Variants in CSF2RA observed in about 807,000 individuals in gnomAD.
CSF2RA encodes the protein granulocyte-macrophage colony-stimulating factor receptor subunit alpha.
A neutral mutation model predicts 51.6 loss-of-function variants in CSF2RA; 42 were observed. That is an observed-to-expected ratio of 0.81 (90% confidence interval 0.64 to 1.05). The LOEUF is 1.05. Among genes scored for constraint, CSF2RA ranks in the 50% least tolerant of loss-of-function variants. The probability of loss-of-function intolerance (pLI) is 0.00; values close to 1 mark genes in which losing one functional copy is unlikely to be tolerated. For synonymous variants in CSF2RA, 222 were observed against 193.0 expected (o/e 1.15, Z -1.24); for missense variants, 530 against 501.1 (o/e 1.06, Z -0.55).
downstream of CSF2RA, among the ~76,000 whole-genome samples, chrX:1,314,010 AATAAAATTAAAT>A (rs1218513145): frequency 1.3e-5 from 2 of 151,634 alleles, no homozygotes; most frequent in Non-Finnish European, 2.9e-5. Flanking sequence ...GAATAAATAA[AATAAAATTAAAT>A]TAAAATAAAA....
At chrX:1,311,215 C>T (rs1317470345), downstream of CSF2RA, among the ~76,000 whole-genome samples, 6 of 150,758 alleles carry the variant, frequency 4.0e-5, no homozygotes, top group African/African-American at 9.8e-5. Flanking sequence ...CGCCATTGCA[C>T]TCCAGCCTGG....
rs377752882 is a variant in CSF2RA at position 1,304,348 on chromosome X, C to T, written c.1043+329C>T. ...CCGGGAGGTGGAGGTTGCAGTGAGC[C>T]GAGATTGCACCACTGCACTCCAGCC... On this transcript the variant is annotated intron_variant, in intron 11 of 12. Transcript: ENST00000381529. Among the ~76,000 whole-genome samples, 454 of 109,080 alleles carry T rather than the reference C, an allele frequency of 4.2e-3. 17 individuals are homozygous for T. Among genetic ancestry groups the T allele is most frequent in the Non-Finnish European group, 3.8e-3 (212 of 55,652 alleles). 71.6% of individuals were successfully genotyped at this position (109,080 alleles called of 152,430 possible). A position where few individuals can be genotyped will look rare whatever the true frequency, so the allele number is the denominator to read the frequency against.
At chrX:1,289,222 G>A (rs1329684259) in intron 6 of CSF2RA, 2 of 362,816 alleles carry the variant, frequency 5.5e-6, no homozygotes, top group African/African-American at 2.1e-5. Flanking sequence ...CTCCCTCCAG[G>A]GTTCAAGTGA....
At chrX:1,313,906 G>A (rs1294949909), downstream of CSF2RA, among the ~76,000 whole-genome samples, 13 of 151,732 alleles carry the variant, frequency 8.6e-5, no homozygotes, top group African/African-American at 2.9e-4. Flanking sequence ...CAGGAGAACC[G>A]CTTGAACCTG....
downstream of CSF2RA, among the ~76,000 whole-genome samples, chrX:1,315,022 A>ACACTGCACCTGCCCAACCG (rs1170258078): frequency 4.8e-5 from 5 of 103,540 alleles, 1 homozygote; most frequent in African/African-American, 1.6e-4. Flanking sequence ...CTGCCCAACC[A>ACACTGCACCTGCCCAACCG]CACTGCACCA....
chrX:1,284,431 AT>A (rs1298855394), intron 3 of CSF2RA, among the ~76,000 whole-genome samples: 4,213 of 29,184 alleles, frequency 0.14, 286 homozygotes, highest in South Asian at 0.28. Flanking sequence ...CTAGTTTTTG[AT>A]TTTTTTTTTT....
chrX:1,277,495 C>T (rs1462546277), intron 2 of CSF2RA, among the ~76,000 whole-genome samples: 1 of 139,530 alleles, frequency 7.2e-6, no homozygotes, highest in East Asian at 2.2e-4. Context: ...ACTCGGGAGA[C>T]AGAGGCAAGA....
intron 1 of CSF2RA, among the ~76,000 whole-genome samples, chrX:1,269,901 A>T (rs2088145027): frequency 1.3e-5 from 2 of 152,096 alleles, no homozygotes; most frequent in African/African-American, 4.8e-5. Flanking sequence ...TGAGCTCAGG[A>T]GTTCGAGATC....
chrX:1,290,820 C>T (rs1360083800), intron 7 of CSF2RA, among the ~76,000 whole-genome samples: 5 of 152,228 alleles, frequency 3.3e-5, no homozygotes, highest in African/African-American at 1.2e-4. Flanking sequence ...GAGATTGTGC[C>T]ACTGCACTCC....
chrX:1,300,650 G>A (rs765581573), intron 10 of CSF2RA, 24 bp downstream of exon 10: 1 of 1,613,788 alleles, frequency 6.2e-7, no homozygotes, highest in Non-Finnish European at 8.5e-7. Flanking sequence ...GGAGGTAAGG[G>A]ATGTTTGTGC....
intron 3 of CSF2RA, among the ~76,000 whole-genome samples, chrX:1,284,893 C>G (rs1253478604): frequency 6.6e-6 from 1 of 151,914 alleles, no homozygotes; most frequent in Non-Finnish European, 1.5e-5. Flanking sequence ...TCTCGAACTG[C>G]TGACCTCAGG....
At chrX:1,321,418 G>A in the CSF2RA span, among the ~76,000 whole-genome samples, 5 of 149,396 alleles carry the variant, frequency 3.3e-5, no homozygotes, top group East Asian at 1.9e-4. Context: ...GCAGTGAGCC[G>A]AGATCGTGCC....
At chrX:1,311,434 C>G (rs1221339416), downstream of CSF2RA, among the ~76,000 whole-genome samples, 1 of 111,908 alleles carries the variant, frequency 8.9e-6, no homozygotes, top group African/African-American at 4.8e-5. Flanking sequence ...GCCAAATAAA[C>G]CTGTTTGTTT....
chrX:1,308,097 G>T (rs1299278026), intron 12 of CSF2RA, among the ~76,000 whole-genome samples: 1 of 152,076 alleles, frequency 6.6e-6, no homozygotes, highest in African/African-American at 2.4e-5. Context: ...TGACTGATTA[G>T]ATAAGGCCCA....
Position 1,274,474 on chromosome X carries a change from A to T in CSF2RA, c.-90-281A>T, listed in dbSNP as rs755453444. 4.0e-5 allele frequency among the ~76,000 whole-genome samples: 6 copies of T among 149,030 alleles called. No homozygotes were observed. The South Asian group carries it at 1.3e-3, about 32-fold the overall frequency. On this transcript the variant is annotated intron_variant, in intron 1 of 12. Coordinates refer to ENST00000381529, the MANE Select transcript of CSF2RA (RefSeq NM_172245.4). ...TGAGTAGCTGGGATTATAGGCACCC[A>T]CTACCGCGCCCAGCTAATTTTTGTA...
downstream of CSF2RA, chrX:1,310,266 GA>G (rs2084104361): frequency 6.4e-6 from 1 of 155,578 alleles, no homozygotes; most frequent in African/African-American, 2.4e-5. Flanking sequence ...CCCAACTACT[GA>G]GGTACTGTGT....
intron 11 of CSF2RA, 91 bp from the exon 12 acceptor site, chrX:1,305,355 C>T (rs1454623449): frequency 1.4e-5 from 20 of 1,394,302 alleles, no homozygotes; most frequent in Non-Finnish European, 1.9e-5. Context: ...GCAGACACCC[C>T]GCACGCAGCA....
intron 12 of CSF2RA, 151 bp from the exon 13 acceptor site, chrX:1,309,251 G>C (rs1195180252): frequency 1.3e-6 from 1 of 784,306 alleles, no homozygotes. Flanking sequence ...GGAGGCCGAG[G>C]TTGCAGTGAG....
the CSF2RA span, among the ~76,000 whole-genome samples, chrX:1,319,918 T>TCTC: frequency 6.8e-6 from 1 of 147,292 alleles, no homozygotes; most frequent in Non-Finnish European, 1.5e-5. Context: ...TGTTTTGAGA[T>TCTC]GGAGTCTCGC....
Sources: gnomAD v4.1 joint callset for allele counts (sites outside exome capture counted in the v4.1 genomes callset) on GRCh38, gnomAD v4.1.1 for gene constraint, MANE v1.5 for transcripts, NCBI Gene and HGNC (gene_info 2026-07-23, HGNC 2026-07-21) for gene names.